The following SPAG16 variants were observed in gnomAD, a reference collection of about 807,000 sequenced individuals.
The protein encoded by SPAG16 is sperm-associated antigen 16 protein.
SPAG16 carries 86 observed loss-of-function variants against 80.4 expected under a neutral mutation model. The ratio of observed to expected loss-of-function variants is 1.07; its 90% CI spans 0.90 to 1.28. The LOEUF is 1.28. Among genes scored for constraint, SPAG16 ranks in the 50% most tolerant of loss-of-function variants. The pLI is 0.00. For synonymous variants in SPAG16, 294 were observed against 265.9 expected (o/e 1.11, Z -1.03); for missense variants, 870 against 765.3 (o/e 1.14, Z -1.61).
intron 15 of SPAG16, among the ~76,000 whole-genome samples, chr2:214,189,574 A>T (rs762573685): frequency 6.6e-6 from 1 of 152,124 alleles, no homozygotes; most frequent in Non-Finnish European, 1.5e-5. Flanking sequence ...AGAATTTTTC[A>T]AGACTACAGT....
At chr2:213,992,542 G>A (rs2046336084) in intron 12 of SPAG16, among the ~76,000 whole-genome samples, 1 of 152,086 alleles carries the variant, frequency 6.6e-6, no homozygotes, top group Non-Finnish European at 1.5e-5. Flanking sequence ...TTTTGATATA[G>A]TAGATGGGAC....
chr2:213,923,330 G>A (rs1425469098), intron 11 of SPAG16, among the ~76,000 whole-genome samples: 1 of 152,166 alleles, frequency 6.6e-6, no homozygotes, highest in Non-Finnish European at 1.5e-5. Flanking sequence ...GCCAGTGGCA[G>A]TGTCAGGCAG....
chr2:214,317,964 G>T (rs1695806769), intron 15 of SPAG16, among the ~76,000 whole-genome samples: 1 of 152,190 alleles, frequency 6.6e-6, no homozygotes, highest in South Asian at 2.1e-4. Flanking sequence ...GACAAAATCA[G>T]AATTCTGTTG....
intron 15 of SPAG16, among the ~76,000 whole-genome samples, chr2:214,234,935 A>G (rs1397158468): frequency 6.6e-6 from 1 of 152,142 alleles, no homozygotes; most frequent in Admixed American, 6.6e-5. Flanking sequence ...GTCTCTAAAC[A>G]TGATAAGGGA....
chr2:213,431,764 A>G (rs1198285266), intron 9 of SPAG16, among the ~76,000 whole-genome samples: 1 of 152,162 alleles, frequency 6.6e-6, no homozygotes, highest in Non-Finnish European at 1.5e-5. Context: ...ACATACATTT[A>G]TAGAACATTT....
intron 10 of SPAG16, among the ~76,000 whole-genome samples, chr2:213,833,897 C>T (rs1289030117): frequency 6.6e-6 from 1 of 151,644 alleles, no homozygotes; most frequent in African/African-American, 2.4e-5. Flanking sequence ...ACACTCATAA[C>T]AAAAGACAGA....
intron 1 of SPAG16, among the ~76,000 whole-genome samples, chr2:213,289,986 A>C (rs1436092752): frequency 3.3e-5 from 5 of 152,190 alleles, no homozygotes; most frequent in Admixed American, 2.6e-4. Context: ...TCTCCCCCTC[A>C]TACCAATTGG....
At chr2:213,460,134 T>C (rs2072276547) in intron 9 of SPAG16, among the ~76,000 whole-genome samples, 1 of 152,250 alleles carries the variant, frequency 6.6e-6, no homozygotes, top group Non-Finnish European at 1.5e-5. Context: ...CATTCCTGTC[T>C]ACATCTACTA....
intron 10 of SPAG16, among the ~76,000 whole-genome samples, chr2:213,525,542 C>T (rs1412520872): frequency 1.3e-5 from 2 of 152,032 alleles, no homozygotes; most frequent in African/African-American, 4.8e-5. Flanking sequence ...CCGCCTCGGC[C>T]TCCCAAAGTG....
At chr2:214,024,755 GGT>G (rs1405911627) in intron 13 of SPAG16, among the ~76,000 whole-genome samples, 1 of 151,488 alleles carries the variant, frequency 6.6e-6, no homozygotes, top group Non-Finnish European at 1.5e-5. Flanking sequence ...TACCTTTTCA[GGT>G]GTGGTAGAAT....
chr2:214,243,214 A>G (rs890425601), intron 15 of SPAG16, among the ~76,000 whole-genome samples: 2 of 152,140 alleles, frequency 1.3e-5, no homozygotes, highest in African/African-American at 4.8e-5. Flanking sequence ...AACCAAAAGG[A>G]ACATTATTCT....
At chr2:213,975,317 A>T (rs994962267) in intron 12 of SPAG16, among the ~76,000 whole-genome samples, 4 of 151,330 alleles carry the variant, frequency 2.6e-5, no homozygotes, top group Non-Finnish European at 4.4e-5. Context: ...TCAAAATTTT[A>T]AAAATAATAT....
intron 15 of SPAG16, among the ~76,000 whole-genome samples, chr2:214,168,492 C>T (rs1028303799): frequency 5.3e-5 from 8 of 151,964 alleles, no homozygotes; most frequent in South Asian, 2.1e-4. Flanking sequence ...ACACATGACA[C>T]GCACGCACAC....
chr2:213,819,839 C>G (rs1430469190), intron 10 of SPAG16, among the ~76,000 whole-genome samples: 2 of 152,054 alleles, frequency 1.3e-5, no homozygotes, highest in Non-Finnish European at 2.9e-5. Flanking sequence ...TCACTGCAAC[C>G]TCTGCCTCCC....
chr2:213,525,440 C>G (rs1038167653), intron 10 of SPAG16, among the ~76,000 whole-genome samples: 2 of 151,810 alleles, frequency 1.3e-5, no homozygotes, highest in African/African-American at 2.4e-5. Context: ...AGGTGCCCAC[C>G]ACCATGCCCA....
intron 11 of SPAG16, among the ~76,000 whole-genome samples, chr2:213,863,273 G>A (rs2662676): frequency 6.6e-6 from 1 of 152,056 alleles, no homozygotes; most frequent in African/African-American, 2.4e-5. Flanking sequence ...GATCTGCTTC[G>A]TTCTAAAACT....
intron 15 of SPAG16, among the ~76,000 whole-genome samples, chr2:214,395,286 C>T (rs1187633968): frequency 6.6e-6 from 1 of 152,098 alleles, no homozygotes; most frequent in Non-Finnish European, 1.5e-5. Flanking sequence ...ACTGCTAAAC[C>T]ATCTTCCAAA....
intron 9 of SPAG16, among the ~76,000 whole-genome samples, chr2:213,415,801 A>G (rs16850304): frequency 0.29 from 44,445 of 151,994 alleles, 6,983 homozygotes; most frequent in African/African-American, 0.35. Context: ...TCGTACACAG[A>G]ACACTGGAGT....
intron 12 of SPAG16, among the ~76,000 whole-genome samples, chr2:213,979,427 G>A (rs945033968): frequency 6.6e-6 from 1 of 152,006 alleles, no homozygotes; most frequent in South Asian, 2.1e-4. Flanking sequence ...AATTTATAAA[G>A]GAAAGATGTT....
Sources: allele counts gnomAD v4.1 joint callset (sites outside exome capture counted in the v4.1 genomes callset), GRCh38; gene constraint gnomAD v4.1.1; transcripts MANE v1.5; gene names NCBI Gene and HGNC (gene_info 2026-07-23, HGNC 2026-07-21).